The following FGF12 variants were observed in gnomAD, a reference collection of about 807,000 sequenced individuals.
The protein encoded by FGF12 is fibroblast growth factor 12.
FGF12 carries 14 observed loss-of-function variants against 23.6 expected under a neutral mutation model. That is an observed-to-expected ratio of 0.59 (90% confidence interval 0.39 to 0.93). The LOEUF is 0.93. FGF12 is among the 40% of genes least tolerant of loss of function. FGF12 has a pLI of 0.00. For missense variants in FGF12, 175 were observed against 217.8 expected, an observed-to-expected ratio of 0.80 and a Z score of 1.24; for synonymous variants, 62 against 77.3, an observed-to-expected ratio of 0.80 and a Z score of 1.04.
intron 2 of FGF12, among the ~76,000 whole-genome samples, chr3:192,701,220 G>A (rs928643730): frequency 1.3e-5 from 2 of 152,122 alleles, no homozygotes; most frequent in Non-Finnish European, 2.9e-5. Context: ...GAAAATCTTT[G>A]AATCTACCTA....
At chr3:192,220,711 T>G in intron 4 of FGF12, among the ~76,000 whole-genome samples, 1 of 152,222 alleles carries the variant, frequency 6.6e-6, no homozygotes, top group East Asian at 1.9e-4. Context: ...AGATAAGAAC[T>G]GTGCTAAGCT....
intron 2 of FGF12, among the ~76,000 whole-genome samples, chr3:192,672,537 T>C (rs1331273329): frequency 1.3e-5 from 2 of 150,914 alleles, no homozygotes; most frequent in Non-Finnish European, 3.0e-5. Flanking sequence ...CATCACATTT[T>C]ACCACTTCAA....
chr3:192,191,522 G>A (rs576002682), intron 4 of FGF12, among the ~76,000 whole-genome samples: 84 of 152,082 alleles, frequency 5.5e-4, no homozygotes, highest in African/African-American at 1.8e-3. Flanking sequence ...ATTTTTCTGT[G>A]AGCCTAAAAC....
intron 2 of FGF12, among the ~76,000 whole-genome samples, chr3:192,390,317 A>G (rs1257408047): frequency 6.6e-6 from 1 of 152,200 alleles, no homozygotes; most frequent in Non-Finnish European, 1.5e-5. Flanking sequence ...GGCTGTGGAT[A>G]CAGCTAAGAG....
intron 2 of FGF12, among the ~76,000 whole-genome samples, chr3:192,454,969 T>C (rs1178352921): frequency 2.0e-5 from 3 of 152,110 alleles, no homozygotes; most frequent in Non-Finnish European, 4.4e-5. Context: ...TAATAATTAT[T>C]TTAATTATTA....
intron 3 of FGF12, among the ~76,000 whole-genome samples, chr3:192,337,159 A>C (rs1437805324): frequency 6.6e-6 from 1 of 152,162 alleles, no homozygotes; most frequent in Non-Finnish European, 1.5e-5. Flanking sequence ...ATAATATGAT[A>C]CAGTGTATAA....
chr3:192,623,350 G>C (rs959730632), intron 2 of FGF12, among the ~76,000 whole-genome samples: 1 of 152,074 alleles, frequency 6.6e-6, no homozygotes, highest in Non-Finnish European at 1.5e-5. Context: ...TCTGATCAGG[G>C]GATTACAATG....
intron 2 of FGF12, among the ~76,000 whole-genome samples, chr3:192,417,245 T>C (rs1721385650): frequency 6.6e-6 from 1 of 151,746 alleles, no homozygotes; most frequent in African/African-American, 2.4e-5. Flanking sequence ...GACCAGGAAA[T>C]AGCCGTAACT....
chr3:192,214,721 T>C (rs965170585), intron 4 of FGF12, among the ~76,000 whole-genome samples: 2 of 152,208 alleles, frequency 1.3e-5, no homozygotes, highest in African/African-American at 4.8e-5. Flanking sequence ...GCATTGTTAG[T>C]CCAAGGCCAA....
chr3:192,413,070 T>C (rs1379772021), intron 2 of FGF12, among the ~76,000 whole-genome samples: 2 of 152,214 alleles, frequency 1.3e-5, no homozygotes, highest in East Asian at 1.9e-4. Flanking sequence ...ATATAGTCTA[T>C]GTTTTTGGGC....
In FGF12 at chr3:192,408,104, C is replaced by G. The variant is rs1560102411; in HGVS notation, c.14-47566G>C. ...ACACCCCGAGGACGTGCCTCTCGCA[C>G]AGGGAGCGCCCGTCTTTGCTGGGGC... On this transcript the variant is annotated intron_variant, in intron 2 of 5. Transcript: ENST00000445105. The surrounding 1 kb of genome is among the most constrained non-coding windows in gnomAD (Gnocchi z 7.3). The G allele has an allele frequency of 4.3e-6, 7 of 1,613,212 alleles. No individual in the cohort carries two copies. Among genetic ancestry groups the G allele is most frequent in the Non-Finnish European group, 5.9e-6 (7 of 1,180,010 alleles).
At chr3:192,648,687 C>T (rs535105965) in intron 2 of FGF12, among the ~76,000 whole-genome samples, 1 of 152,000 alleles carries the variant, frequency 6.6e-6, no homozygotes, top group Admixed American at 6.6e-5. Flanking sequence ...CTTTGTGCTC[C>T]AAAATTTACG....
At chr3:192,590,652 G>T (rs968442020) in intron 2 of FGF12, among the ~76,000 whole-genome samples, 1 of 151,778 alleles carries the variant, frequency 6.6e-6, no homozygotes, top group Non-Finnish European at 1.5e-5. Flanking sequence ...TTGCTTCAAG[G>T]CCAAAGATGG....
chr3:192,511,418 C>A (rs1328745032), intron 2 of FGF12, among the ~76,000 whole-genome samples: 2 of 152,168 alleles, frequency 1.3e-5, no homozygotes, highest in African/African-American at 4.8e-5. Flanking sequence ...GAGGAACCTG[C>A]AATTTTAACA....
intron 4 of FGF12, among the ~76,000 whole-genome samples, chr3:192,285,759 C>A (rs1415588625): frequency 6.6e-6 from 1 of 151,950 alleles, no homozygotes; most frequent in African/African-American, 2.4e-5. Flanking sequence ...AAACTTCTTG[C>A]ATGAAGTAAA....
rs1165289362 is a variant in FGF12 at position 192,666,345 on chromosome 3, T to C, written c.13+60836A>G. Among the ~76,000 whole-genome samples the C allele has an allele frequency of 2.0e-5, 3 of 152,218 alleles. No homozygotes were observed. The East Asian group carries it at 5.8e-4, about 29-fold the overall frequency. On this transcript the variant is annotated intron_variant, in intron 2 of 5. Coordinates refer to ENST00000445105, the MANE Select transcript of FGF12 (RefSeq NM_004113.6). The stretch of plus-strand genomic sequence containing the variant: ...TTTTTGCTATCACTTTCAAATTCAC[T>C]AGAAATATGGATGGATGCTCATTTG...
At chr3:192,325,758 G>A (rs1716786017) in intron 4 of FGF12, among the ~76,000 whole-genome samples, 1 of 152,122 alleles carries the variant, frequency 6.6e-6, no homozygotes, top group Non-Finnish European at 1.5e-5. Flanking sequence ...AGATATCATG[G>A]CTAATCTTTA....
At chr3:192,560,623 G>GA (rs1342172692) in intron 2 of FGF12, among the ~76,000 whole-genome samples, 2 of 151,894 alleles carry the variant, frequency 1.3e-5, no homozygotes, top group East Asian at 3.9e-4. Context: ...AAATTGAAAG[G>GA]AAAAATGAAG....
chr3:192,275,131 T>G (rs1012480939), intron 4 of FGF12, among the ~76,000 whole-genome samples: 1 of 152,088 alleles, frequency 6.6e-6, no homozygotes, highest in African/African-American at 2.4e-5. Flanking sequence ...TAAATAAAAT[T>G]TATAGGAAGC....
Sources: allele counts gnomAD v4.1 joint callset (sites outside exome capture counted in the v4.1 genomes callset), GRCh38; gene constraint gnomAD v4.1.1; non-coding constraint Gnocchi (gnomAD v3.1); transcripts MANE v1.5; gene names NCBI Gene and HGNC (gene_info 2026-07-23, HGNC 2026-07-21).